Variants in ASPRV1 observed in about 807,000 individuals in gnomAD.
The protein encoded by ASPRV1 is aspartic peptidase retroviral like 1.
Under a neutral mutation model 11.0 loss-of-function variants are expected in ASPRV1, and 7 were observed. The ratio of observed to expected loss-of-function variants is 0.64; its 90% CI spans 0.36 to 1.20. ASPRV1 has a LOEUF of 1.20. ASPRV1 is among the 50% of genes most tolerant of loss of function. The pLI, the probability that ASPRV1 is intolerant of heterozygous loss-of-function variation, is 0.02. For missense variants in ASPRV1, 299 were observed against 320.0 expected, an observed-to-expected ratio of 0.93 and a Z score of 0.50; for synonymous variants, 136 against 138.4, an observed-to-expected ratio of 0.98 and a Z score of 0.12.
At chr2:70,011,448 T>A in the ASPRV1 span, among the ~76,000 whole-genome samples, 949 of 151,660 alleles carry the variant, frequency 6.3e-3, 9 homozygotes, top group African/African-American at 0.022. Context: ...AGGGAGAGAT[T>A]GGGAAAATGT....
the ASPRV1 span, chr2:70,080,768 T>A: frequency 1.3e-5 from 2 of 152,378 alleles, no homozygotes; most frequent in African/African-American, 4.8e-5. Context: ...AAAAACTGGA[T>A]AATGTAAACA....
chr2:70,086,522 C>G, the ASPRV1 span: 1 of 152,232 alleles, frequency 6.6e-6, no homozygotes, highest in African/African-American at 2.4e-5. Flanking sequence ...GGGCCGCCCC[C>G]CTTGAGCCTG....
At chr2:70,061,972 A>G in the ASPRV1 span, among the ~76,000 whole-genome samples, 1 of 150,778 alleles carries the variant, frequency 6.6e-6, no homozygotes, top group African/African-American at 2.4e-5. Context: ...TCAAAAAAAA[A>G]AAAAAGGAGA....
chr2:70,066,564 G>T, the ASPRV1 span, among the ~76,000 whole-genome samples: 2 of 150,732 alleles, frequency 1.3e-5, no homozygotes, highest in Non-Finnish European at 1.5e-5. Context: ...TTTTTAAGCA[G>T]GAGAATTATC....
chr2:70,024,513 C>A, the ASPRV1 span, among the ~76,000 whole-genome samples: 1 of 152,166 alleles, frequency 6.6e-6, no homozygotes, highest in Non-Finnish European at 1.5e-5. Flanking sequence ...GCCAAGAAAT[C>A]TCCTACTTGC....
the ASPRV1 span, chr2:70,087,124 C>T: frequency 3.4e-3 from 524 of 152,344 alleles, 4 homozygotes; most frequent in Middle Eastern, 0.01. Flanking sequence ...CTGCAGTTTC[C>T]GCCGGGGCTG....
chr2:70,013,324 C>A, the ASPRV1 span, among the ~76,000 whole-genome samples: 138 of 152,158 alleles, frequency 9.1e-4, no homozygotes, highest in Non-Finnish European at 1.5e-3. Flanking sequence ...TGCCATTTGT[C>A]TAATTTTGAT....
chr2:69,967,698 A>G, the ASPRV1 span, among the ~76,000 whole-genome samples: 30 of 152,378 alleles, frequency 2.0e-4, no homozygotes, highest in South Asian at 2.5e-3. Context: ...ACTTTCTTCT[A>G]CAGATATTCT....
chr2:69,950,177 T>C, the ASPRV1 span, among the ~76,000 whole-genome samples: 1 of 152,162 alleles, frequency 6.6e-6, no homozygotes, highest in Middle Eastern at 3.2e-3. Flanking sequence ...TATTATAAAG[T>C]AAGCACCCAA....
the ASPRV1 span, among the ~76,000 whole-genome samples, chr2:70,075,533 A>C: frequency 6.6e-6 from 1 of 152,146 alleles, no homozygotes; most frequent in African/African-American, 2.4e-5. Flanking sequence ...ATCCATGTAG[A>C]GTACATAGCA....
chr2:70,034,744 G>A, the ASPRV1 span: 3 of 152,256 alleles, frequency 2.0e-5, no homozygotes, highest in East Asian at 1.9e-4. Flanking sequence ...AGGATGTGGC[G>A]GTTGCTGTCA....
At chr2:69,972,669 G>A in the ASPRV1 span, among the ~76,000 whole-genome samples, 12 of 151,966 alleles carry the variant, frequency 7.9e-5, no homozygotes, top group African/African-American at 2.2e-4. Flanking sequence ...CCGTCCTCTC[G>A]GTTTTCATGA....
chr2:69,932,991 G>T, the ASPRV1 span, among the ~76,000 whole-genome samples: 1 of 152,008 alleles, frequency 6.6e-6, no homozygotes, highest in Non-Finnish European at 1.5e-5. Flanking sequence ...TTGAGGTCAG[G>T]AGTTCGAGAC....
Position 69,961,098 on chromosome 2 carries a change from A to T in ASPRV1, c.339T>A (p.Tyr113Ter). ...GCACTTTGCCAATCTTCCCCTTGAG[A>T]TAGTAGCCCTTACCCATGCTGTTGG... ...VFANSMGKGY[Y>*]LKGKIGKVPV... The change falls in exon 1 of 1, where the codon TAT (tyrosine) becomes TAA (stop). Residue 113 changes from tyrosine to a stop codon, truncating the protein, a stop_gained. Coordinates refer to ENST00000320256, the MANE Select transcript of ASPRV1 (RefSeq NM_152792.4). LOFTEE classifies it high-confidence loss of function. 6.2e-7 allele frequency: 1 copy of T among 1,613,654 alleles called. No individual in the cohort carries two copies. Among genetic ancestry groups the T allele is most frequent in the Non-Finnish European group, 8.5e-7 (1 of 1,179,872 alleles).
chr2:70,080,542 T>TA, the ASPRV1 span, among the ~76,000 whole-genome samples: 14 of 152,140 alleles, frequency 9.2e-5, no homozygotes, highest in Non-Finnish European at 1.6e-4. Context: ...TTCTTTTTTT[T>TA]ATAGGACAGA....
the ASPRV1 span, among the ~76,000 whole-genome samples, chr2:70,063,241 CCCT>C: frequency 1.3e-4 from 20 of 152,166 alleles, no homozygotes; most frequent in African/African-American, 4.8e-4. Context: ...CATGAGTGCC[CCCT>C]AACGCTGTCA....
the ASPRV1 span, among the ~76,000 whole-genome samples, chr2:69,984,416 T>C: frequency 6.6e-6 from 1 of 152,294 alleles, no homozygotes; most frequent in African/African-American, 2.4e-5. Flanking sequence ...ACCTGAGCTA[T>C]GGTAATAATA....
chr2:69,942,974 A>G, the ASPRV1 span: 1 of 152,336 alleles, frequency 6.6e-6, no homozygotes, highest in East Asian at 1.9e-4. Context: ...TTTGTATCAC[A>G]ATTTACCCTT....
At chr2:69,977,601 T>A in the ASPRV1 span, among the ~76,000 whole-genome samples, 1 of 152,198 alleles carries the variant, frequency 6.6e-6, no homozygotes, top group African/African-American at 2.4e-5. Flanking sequence ...GATAATTTCG[T>A]CTTGGGTTTC....
Sources: gnomAD v4.1 joint callset for allele counts (sites outside exome capture counted in the v4.1 genomes callset) on GRCh38, gnomAD v4.1.1 for gene constraint, MANE v1.5 for transcripts, NCBI Gene and HGNC (gene_info 2026-07-23, HGNC 2026-07-21) for gene names.